Variants in TBL1XR1 observed in about 807,000 individuals in gnomAD.
TBL1XR1 encodes the protein F-box-like/WD repeat-containing protein TBL1XR1.
In TBL1XR1, 5 loss-of-function variants were observed where a neutral mutation model predicts 66.9. The ratio of observed to expected loss-of-function variants is 0.07; its 90% CI spans 0.04 to 0.16. TBL1XR1 has a LOEUF of 0.16. Ranked by LOEUF, TBL1XR1 falls within the 10% of genes least tolerant of loss-of-function variation. The pLI, the probability that TBL1XR1 is intolerant of heterozygous loss-of-function variation, is 1.00. For synonymous variants in TBL1XR1, 210 were observed against 206.0 expected, an observed-to-expected ratio of 1.02 and a Z score of -0.17; for missense variants, 238 against 623.2, an observed-to-expected ratio of 0.38 and a Z score of 6.58.
intron 1 of TBL1XR1, among the ~76,000 whole-genome samples, chr3:177,194,998 T>G (rs962481536): frequency 4.6e-5 from 7 of 152,200 alleles, no homozygotes; most frequent in Non-Finnish European, 4.4e-5. Flanking sequence ...CAACAATTTT[T>G]ATGCCATTAA....
At chr3:177,089,680 G>C (rs976225673) in intron 2 of TBL1XR1, among the ~76,000 whole-genome samples, 1 of 152,132 alleles carries the variant, frequency 6.6e-6, no homozygotes, top group Non-Finnish European at 1.5e-5. Context: ...GAGTCCTGTT[G>C]TTAAACCAAA....
In TBL1XR1 at chr3:177,034,364, T is replaced by C. The variant is rs192812190; in HGVS notation, c.1123-39A>G. 7.2e-5 allele frequency: 100 copies of C among 1,380,922 alleles called. No individual in the cohort carries two copies. In the East Asian group the frequency reaches 2.5e-3, roughly 34 times the overall value. The allele number at this position is 1,380,922 out of a possible 1,614,324, so 85.5% of individuals were successfully genotyped here. On this transcript the variant is annotated intron_variant, in intron 12 of 15. Transcript: ENST00000457928. ...AAAAATGTATACAATTATTTTTCCA[T>C]ACAATGAGTATATTTAAAATATTAT...
At chr3:177,108,607 A>C (rs187686985) in intron 1 of TBL1XR1, among the ~76,000 whole-genome samples, 7 of 152,206 alleles carry the variant, frequency 4.6e-5, no homozygotes, top group African/African-American at 7.2e-5. Flanking sequence ...AGTAATACTA[A>C]TATCAGTTAA....
chr3:177,172,313 T>C (rs1387844916), intron 1 of TBL1XR1, among the ~76,000 whole-genome samples: 2 of 135,356 alleles, frequency 1.5e-5, no homozygotes, highest in Non-Finnish European at 3.2e-5. Context: ...AACAAAAATA[T>C]CCACAAGTCC....
chr3:177,082,106 T>C (rs950358661), intron 2 of TBL1XR1, among the ~76,000 whole-genome samples: 4 of 152,184 alleles, frequency 2.6e-5, no homozygotes, highest in African/African-American at 9.7e-5. Flanking sequence ...CAAAATGCCT[T>C]TTTTAGGTAT....
At chr3:177,037,636 C>G (rs576072226) in intron 12 of TBL1XR1, 3 of 156,362 alleles carry the variant, frequency 1.9e-5, no homozygotes, top group Admixed American at 6.4e-5. Context: ...CTGGGACTTA[C>G]ACCATTGGCA....
At chr3:177,163,793 C>A (rs951618151) in intron 1 of TBL1XR1, among the ~76,000 whole-genome samples, 2 of 152,070 alleles carry the variant, frequency 1.3e-5, no homozygotes, top group African/African-American at 4.8e-5. Context: ...AATATATTAC[C>A]TAGCCAACAA....
intron 1 of TBL1XR1, among the ~76,000 whole-genome samples, chr3:177,117,449 C>G (rs369927575): frequency 1.2e-4 from 19 of 152,124 alleles, no homozygotes; most frequent in African/African-American, 4.3e-4. Context: ...ATGCAGATTG[C>G]TGAATTATCT....
chr3:177,093,112 C>T (rs1338629600), intron 2 of TBL1XR1, among the ~76,000 whole-genome samples: 1 of 152,072 alleles, frequency 6.6e-6, no homozygotes, highest in Non-Finnish European at 1.5e-5. Context: ...ATGAATTCAG[C>T]GAAGTTTCCA....
chr3:177,186,671 G>A (rs1350924578), intron 1 of TBL1XR1, among the ~76,000 whole-genome samples: 1 of 152,144 alleles, frequency 6.6e-6, no homozygotes, highest in Non-Finnish European at 1.5e-5. Flanking sequence ...CATCTGGCAA[G>A]GTGTTTGCTT....
intron 1 of TBL1XR1, among the ~76,000 whole-genome samples, chr3:177,172,675 G>T (rs1220140143): frequency 8.0e-6 from 1 of 125,464 alleles, no homozygotes; most frequent in African/African-American, 2.9e-5. Context: ...AGGGAGGGGA[G>T]GGGAGGGGAG....
chr3:177,184,288 G>C (rs1428627660), intron 1 of TBL1XR1, among the ~76,000 whole-genome samples: 2 of 152,072 alleles, frequency 1.3e-5, no homozygotes, highest in Admixed American at 1.3e-4. Flanking sequence ...TGACAGGATC[G>C]GTGCAGTATC....
chr3:177,127,501 A>G (rs1727784296), intron 1 of TBL1XR1, among the ~76,000 whole-genome samples: 1 of 151,932 alleles, frequency 6.6e-6, no homozygotes, highest in Non-Finnish European at 1.5e-5. Flanking sequence ...TTGGATTGCA[A>G]TCATTGTTGT....
chr3:177,095,030 C>T (rs1422974258), intron 2 of TBL1XR1, among the ~76,000 whole-genome samples: 5 of 133,646 alleles, frequency 3.7e-5, no homozygotes, highest in Non-Finnish European at 8.3e-5. Flanking sequence ...GAATCTCATT[C>T]TGCCTTAAAA....
At chr3:177,095,744 A>G (rs1302133343) in intron 2 of TBL1XR1, among the ~76,000 whole-genome samples, 1 of 152,166 alleles carries the variant, frequency 6.6e-6, no homozygotes, top group African/African-American at 2.4e-5. Flanking sequence ...GGCCTCCCCA[A>G]AGTGCTGGGA....
At chr3:177,032,248 T>C (rs1714107431) in intron 14 of TBL1XR1, 1 of 152,198 alleles carries the variant, frequency 6.6e-6, no homozygotes, top group East Asian at 1.9e-4. Flanking sequence ...GTTTGAGGTT[T>C]TTTCTGAACT....
At chr3:177,045,039 G>C (rs1289031478) in intron 10 of TBL1XR1, 1 of 152,032 alleles carries the variant, frequency 6.6e-6, no homozygotes, top group Non-Finnish European at 1.5e-5. Flanking sequence ...TAATCAAGTT[G>C]AATTGTTTAA....
chr3:177,043,539 T>C (rs183345957), intron 10 of TBL1XR1, among the ~76,000 whole-genome samples: 2 of 152,294 alleles, frequency 1.3e-5, no homozygotes, highest in South Asian at 4.1e-4. Flanking sequence ...TGATTAGTGA[T>C]AGCATGGTAT....
intron 1 of TBL1XR1, among the ~76,000 whole-genome samples, chr3:177,101,959 A>AT (rs760088212): frequency 0.019 from 2,878 of 149,026 alleles, 90 homozygotes; most frequent in African/African-American, 0.066. Flanking sequence ...AACCATTAGA[A>AT]TTTTTTTTTT....
Sources: allele counts gnomAD v4.1 joint callset (sites outside exome capture counted in the v4.1 genomes callset), GRCh38; gene constraint gnomAD v4.1.1; transcripts MANE v1.5; gene names NCBI Gene and HGNC (gene_info 2026-07-23, HGNC 2026-07-21).